The following ST8SIA6 variants were observed in gnomAD, a reference collection of about 807,000 sequenced individuals.
ST8SIA6 encodes alpha-2,8-sialyltransferase 8F.
Under a neutral mutation model 33.6 loss-of-function variants are expected in ST8SIA6, and 39 were observed. That is an observed-to-expected ratio of 1.16 (90% CI 0.90 to 1.52). The LOEUF is 1.52. ST8SIA6 is among the 40% of genes most tolerant of loss of function. The pLI is 0.00. For missense variants in ST8SIA6, 441 were observed against 443.8 expected (o/e 0.99, Z 0.06); for synonymous variants, 172 against 167.2 (o/e 1.03, Z -0.22).
At chr10:17,426,547 A>G (rs1330559664) in intron 2 of ST8SIA6, among the ~76,000 whole-genome samples, 1 of 152,192 alleles carries the variant, frequency 6.6e-6, no homozygotes, top group Non-Finnish European at 1.5e-5. Context: ...GCTCCCAGGG[A>G]CATTAATTCT....
chr10:17,397,510 C>T (rs1850855779), intron 2 of ST8SIA6, among the ~76,000 whole-genome samples: 2 of 152,188 alleles, frequency 1.3e-5, no homozygotes, highest in South Asian at 4.1e-4. Flanking sequence ...GCTGGGATTA[C>T]AGGCGTGAGC....
chr10:17,452,597 A>G (rs1021347492), intron 2 of ST8SIA6, among the ~76,000 whole-genome samples: 2 of 152,226 alleles, frequency 1.3e-5, no homozygotes. Context: ...CTGTCTGTCC[A>G]TCTTGGGTAA....
At chr10:17,452,706 G>A (rs1852958499) in intron 2 of ST8SIA6, among the ~76,000 whole-genome samples, 2 of 152,042 alleles carry the variant, frequency 1.3e-5, no homozygotes, top group African/African-American at 2.4e-5. Context: ...CAACCTAAAT[G>A]TCTGAAAATG....
intron 2 of ST8SIA6, among the ~76,000 whole-genome samples, chr10:17,427,729 G>A (rs1851981721): frequency 6.6e-6 from 1 of 152,180 alleles, no homozygotes. Flanking sequence ...TATGACAAGG[G>A]GTTTCCAAAA....
intron 3 of ST8SIA6, among the ~76,000 whole-genome samples, chr10:17,369,012 T>TG (rs1807154847): frequency 6.6e-6 from 1 of 152,236 alleles, no homozygotes. Flanking sequence ...GCCCCATCCC[T>TG]GACTCACAAA....
intron 2 of ST8SIA6, among the ~76,000 whole-genome samples, chr10:17,443,031 T>C (rs1044925558): frequency 6.6e-6 from 1 of 152,120 alleles, no homozygotes; most frequent in African/African-American, 2.4e-5. Flanking sequence ...TCCCTAGATA[T>C]AGGAAGCGTA....
intron 3 of ST8SIA6, among the ~76,000 whole-genome samples, chr10:17,367,963 C>T (rs1218896093): frequency 1.3e-5 from 2 of 152,162 alleles, no homozygotes; most frequent in Non-Finnish European, 2.9e-5. Context: ...CTCTCCTTTG[C>T]ACCACCCCTA....
chr10:17,446,506 A>T (rs1213677723), intron 2 of ST8SIA6, among the ~76,000 whole-genome samples: 1 of 152,230 alleles, frequency 6.6e-6, no homozygotes, highest in Non-Finnish European at 1.5e-5. Flanking sequence ...AAAGAATAAA[A>T]ATGTAACCAA....
chr10:17,339,446 A>T (rs1273492892), intron 4 of ST8SIA6, among the ~76,000 whole-genome samples: 1 of 152,236 alleles, frequency 6.6e-6, no homozygotes, highest in East Asian at 1.9e-4. Context: ...ATTCTCCATG[A>T]TTCTAATGAG....
At chr10:17,322,936 A>G (rs1848003828) in intron 7 of ST8SIA6, 129 bp downstream of exon 7, 1 of 733,624 alleles carries the variant, frequency 1.4e-6, no homozygotes, top group African/African-American at 1.8e-5. Flanking sequence ...ATTCTTATAT[A>G]TTTTTCCAAA....
chr10:17,366,137 T>C (rs1849551642), intron 3 of ST8SIA6, among the ~76,000 whole-genome samples: 1 of 152,142 alleles, frequency 6.6e-6, no homozygotes, highest in African/African-American at 2.4e-5. Context: ...GTAGACTGAG[T>C]TGAGCTATGC....
intron 2 of ST8SIA6, among the ~76,000 whole-genome samples, chr10:17,426,101 G>A (rs1484289021): frequency 6.6e-6 from 1 of 152,126 alleles, no homozygotes; most frequent in African/African-American, 2.4e-5. Context: ...ACTAGAGGAA[G>A]CTCCACCCTG....
intron 4 of ST8SIA6, among the ~76,000 whole-genome samples, chr10:17,339,008 A>G (rs1471202049): frequency 6.6e-6 from 1 of 152,206 alleles, no homozygotes; most frequent in Non-Finnish European, 1.5e-5. Context: ...ATCTATAAGG[A>G]TGAAATCGAA....
At chr10:17,407,028 G>A (rs951392865) in intron 2 of ST8SIA6, among the ~76,000 whole-genome samples, 1 of 152,082 alleles carries the variant, frequency 6.6e-6, no homozygotes, top group Non-Finnish European at 1.5e-5. Context: ...CTGACCTCAG[G>A]TGATCTGCCT....
At chr10:17,444,990 A>C (rs533534563) in intron 2 of ST8SIA6, among the ~76,000 whole-genome samples, 1 of 152,362 alleles carries the variant, frequency 6.6e-6, no homozygotes, top group Admixed American at 6.5e-5. Flanking sequence ...TTACTTCAAA[A>C]AGCAAAGACA....
intron 2 of ST8SIA6, among the ~76,000 whole-genome samples, chr10:17,450,351 AT>A (rs1852861142): frequency 1.3e-5 from 2 of 152,178 alleles, no homozygotes; most frequent in African/African-American, 4.8e-5. Flanking sequence ...CACCCTGTAG[AT>A]TAGAAGGAAA....
chr10:17,327,445 G>T (rs1848169995), intron 5 of ST8SIA6, among the ~76,000 whole-genome samples: 1 of 152,086 alleles, frequency 6.6e-6, no homozygotes, highest in Non-Finnish European at 1.5e-5. Flanking sequence ...AAATTAGCTG[G>T]GCGTGGTGGT....
chr10:17,353,765 G>A (rs944518269), intron 4 of ST8SIA6, among the ~76,000 whole-genome samples: 1 of 152,100 alleles, frequency 6.6e-6, no homozygotes, highest in African/African-American at 2.4e-5. Flanking sequence ...TGACATAATA[G>A]CACTGTTTCC....
At chr10:17,381,909 T>C (rs1257993596) in intron 3 of ST8SIA6, among the ~76,000 whole-genome samples, 1 of 152,232 alleles carries the variant, frequency 6.6e-6, no homozygotes, top group Non-Finnish European at 1.5e-5. Flanking sequence ...TTATCGTCTT[T>C]GTTTCAAAGC....
Sources: gnomAD v4.1 joint callset for allele counts (sites outside exome capture counted in the v4.1 genomes callset) on GRCh38, gnomAD v4.1.1 for gene constraint, MANE v1.5 for transcripts, NCBI Gene and HGNC (gene_info 2026-07-23, HGNC 2026-07-21) for gene names.